The following MEF2C variants were observed in gnomAD, a reference collection of about 807,000 sequenced individuals.
MEF2C encodes the protein myocyte enhancer factor 2C, also known as myocyte-specific enhancer factor 2C.
A neutral mutation model predicts 50.5 loss-of-function variants in MEF2C; 6 were observed. That is an observed-to-expected ratio of 0.12 (90% confidence interval 0.07 to 0.23). MEF2C has a LOEUF of 0.23. Ranked by LOEUF, MEF2C falls within the 10% of genes least tolerant of loss-of-function variation. The pLI, the probability that MEF2C is intolerant of heterozygous loss-of-function variation, is 1.00. For missense variants in MEF2C, 276 were observed against 605.0 expected, an observed-to-expected ratio of 0.46 and a Z score of 5.70; for synonymous variants, 183 against 228.0, an observed-to-expected ratio of 0.80 and a Z score of 1.78.
chr5:88,782,090 G>T, intron 3 of MEF2C: 1 of 942,590 alleles, frequency 1.1e-6, no homozygotes, highest in Non-Finnish European at 1.3e-6. Context: ...AAATTAAAAA[G>T]TGCACTACTT....
At chr5:88,882,162 G>A (rs528460355) in intron 1 of MEF2C, among the ~76,000 whole-genome samples, 3 of 152,266 alleles carry the variant, frequency 2.0e-5, no homozygotes, top group Admixed American at 6.5e-5. Flanking sequence ...TAAACAATGT[G>A]CCACATCTAT....
rs138587637 is a variant in MEF2C, at chr5:88,780,710, T to G, written c.259-19382A>C. 7.4e-5 allele frequency: 69 copies of G among 934,294 alleles called. No homozygotes were observed. The Middle Eastern group carries it at 3.2e-3, about 43-fold the overall frequency. 57.9% of individuals were successfully genotyped at this position (934,294 alleles called of 1,614,324 possible). A position where few individuals can be genotyped will look rare whatever the true frequency, so the allele number is the denominator to read the frequency against. The stretch of plus-strand genomic sequence containing the variant: ...AACAATATCATCACACTAAGCATTG[T>G]TGACTGACTAATACTTCAATGAAAT... On this transcript the variant is annotated intron_variant, in intron 3 of 10. Coordinates refer to ENST00000504921, the MANE Select transcript of MEF2C (RefSeq NM_002397.5).
intron 3 of MEF2C, among the ~76,000 whole-genome samples, chr5:88,781,172 A>G (rs1787824644): frequency 6.6e-6 from 1 of 152,204 alleles, no homozygotes; most frequent in Admixed American, 6.5e-5. Context: ...CAAGAAATAT[A>G]CATACATTAT....
At chr5:88,779,757 G>A in intron 3 of MEF2C, among the ~76,000 whole-genome samples, 1 of 73,504 alleles carries the variant, frequency 1.4e-5, no homozygotes, top group East Asian at 4.7e-4. Context: ...TCAGCAAAGT[G>A]AGGTTTTTTT....
intron 3 of MEF2C, chr5:88,782,246 T>G: frequency 5.3e-6 from 4 of 753,968 alleles, no homozygotes; most frequent in Non-Finnish European, 6.5e-6. Flanking sequence ...GGTGGGAGGA[T>G]CACTTGAGCC....
intron 1 of MEF2C, among the ~76,000 whole-genome samples, chr5:88,896,182 T>C (rs760174382): frequency 6.6e-6 from 1 of 152,200 alleles, no homozygotes; most frequent in Non-Finnish European, 1.5e-5. Context: ...AATATTAAGA[T>C]ACTCCTTGAA....
upstream of MEF2C, among the ~76,000 whole-genome samples, chr5:88,886,117 C>T (rs1287124021): frequency 3.3e-5 from 5 of 152,262 alleles, no homozygotes; most frequent in East Asian, 7.7e-4. Flanking sequence ...GATTTAGCTT[C>T]TTAATTATGT....
intron 1 of MEF2C, among the ~76,000 whole-genome samples, chr5:88,894,475 G>A (rs1312437543): frequency 6.6e-6 from 1 of 152,136 alleles, no homozygotes; most frequent in Non-Finnish European, 1.5e-5. Flanking sequence ...TTTCAGTAAT[G>A]TTGTCTTTGC....
At chr5:88,864,917 A>G (rs879304925) in intron 1 of MEF2C, among the ~76,000 whole-genome samples, 2 of 152,114 alleles carry the variant, frequency 1.3e-5, no homozygotes, top group African/African-American at 2.4e-5. Context: ...ACAGGTGCCC[A>G]GCAGCACACA....
chr5:88,780,323 G>C (rs1182193712), intron 3 of MEF2C, among the ~76,000 whole-genome samples: 1 of 152,156 alleles, frequency 6.6e-6, no homozygotes, highest in Non-Finnish European at 1.5e-5. Flanking sequence ...CAGGTGCAGA[G>C]TTCAGAACTA....
intron 3 of MEF2C, among the ~76,000 whole-genome samples, chr5:88,767,699 T>A (rs916025338): frequency 5.9e-5 from 9 of 152,186 alleles, no homozygotes; most frequent in African/African-American, 1.9e-4. Flanking sequence ...CAAAAGATAA[T>A]CTTAATATTG....
At chr5:88,774,720 A>G (rs1784010706) in intron 3 of MEF2C, among the ~76,000 whole-genome samples, 1 of 152,166 alleles carries the variant, frequency 6.6e-6, no homozygotes, top group Non-Finnish European at 1.5e-5. Flanking sequence ...TAAGTGGTGG[A>G]TTTTACGTTC....
At chr5:88,782,969 C>A (rs1383607419) in intron 3 of MEF2C, among the ~76,000 whole-genome samples, 1 of 152,188 alleles carries the variant, frequency 6.6e-6, no homozygotes, top group Non-Finnish European at 1.5e-5. Flanking sequence ...TCATATCAAG[C>A]TAATACTTTT....
intron 4 of MEF2C, among the ~76,000 whole-genome samples, chr5:88,759,147 T>C (rs778577752): frequency 1.3e-5 from 2 of 152,214 alleles, no homozygotes; most frequent in African/African-American, 4.8e-5. Flanking sequence ...TCCACACCAA[T>C]GTATTATATA....
chr5:88,774,402 A>G (rs1783843120), intron 3 of MEF2C, among the ~76,000 whole-genome samples: 1 of 149,394 alleles, frequency 6.7e-6, no homozygotes, highest in African/African-American at 2.5e-5. Context: ...GGCTCACTGC[A>G]AGCTCCGCCT....
rs1355854229 is a variant in MEF2C, at chr5:88,719,933, T to C, written c.*2671A>G. ...ATAGCCAAGGCTTCTGCTGGTACTT[T>C]AGCTTACTTTATCTTCAGCATTAAA... is the stretch of plus-strand genomic sequence containing the variant. On this transcript the variant is annotated 3_prime_UTR_variant, in exon 11 of 11. Transcript: ENST00000504921. 1.3e-5 allele frequency: 2 copies of C among 152,200 alleles called. No homozygotes were observed. The highest frequency in any genetic ancestry group is 3.8e-4 in the East Asian group (2 of 5,196). The allele number at this position is 152,200 out of a possible 1,614,324, so 9.4% of individuals were successfully genotyped here.
intron 1 of MEF2C, among the ~76,000 whole-genome samples, chr5:88,858,565 G>C (rs1452385078): frequency 6.6e-6 from 1 of 152,084 alleles, no homozygotes; most frequent in Non-Finnish European, 1.5e-5. Context: ...ATTTGATAAG[G>C]GTATGGATTC....
chr5:88,758,395 G>A (rs751289973), intron 4 of MEF2C, among the ~76,000 whole-genome samples: 1 of 152,034 alleles, frequency 6.6e-6, no homozygotes, highest in Non-Finnish European at 1.5e-5. Context: ...CCCAGCATGA[G>A]GAAATGCTGC....
intron 6 of MEF2C, chr5:88,738,327 C>T (rs1403682501): frequency 1.0e-6 from 1 of 985,208 alleles, no homozygotes; most frequent in African/African-American, 1.7e-5. Flanking sequence ...AACAACACAA[C>T]ATTAAGCATA....
Sources: allele counts gnomAD v4.1 joint callset (sites outside exome capture counted in the v4.1 genomes callset), GRCh38; gene constraint gnomAD v4.1.1; transcripts MANE v1.5; gene names NCBI Gene and HGNC (gene_info 2026-07-23, HGNC 2026-07-21).